Variants in HS6ST3 observed in about 807,000 individuals in gnomAD.
The protein encoded by HS6ST3 is heparan-sulfate 6-O-sulfotransferase 3.
Under a neutral mutation model 36.7 loss-of-function variants are expected in HS6ST3, and 12 were observed. That is an observed-to-expected ratio of 0.33 (90% CI 0.21 to 0.53). The LOEUF (loss-of-function observed/expected upper bound fraction) is 0.53. HS6ST3 is among the 20% of genes least tolerant of loss of function. The pLI is 0.95. For synonymous variants in HS6ST3, 240 were observed against 257.5 expected, an observed-to-expected ratio of 0.93 and a Z score of 0.65; for missense variants, 584 against 640.9, an observed-to-expected ratio of 0.91 and a Z score of 0.96.
Position 96,173,394 on chromosome 13 carries a change from CAT to C in HS6ST3, c.707+81828_707+81829del, listed in dbSNP as rs932029921. ...ACTAATTCAAGGATAAAATTATTAA[CAT>C]ATTTTTCTAAGTGTGTGAATTGATA... On this transcript the variant is annotated intron_variant, in intron 1 of 1. Transcript: ENST00000376705. 7.0e-4 allele frequency among the ~76,000 whole-genome samples: 106 copies of C among 152,208 alleles called. 1 individual carries two copies. The highest frequency in any genetic ancestry group is 2.3e-3 in the African/African-American group (95 of 41,530).
chr13:96,688,016 A>G (rs1437709896), intron 1 of HS6ST3, among the ~76,000 whole-genome samples: 2 of 149,550 alleles, frequency 1.3e-5, no homozygotes, highest in African/African-American at 2.5e-5. Flanking sequence ...GAATTGAACA[A>G]TGAGAACACT....
rs777469390 is a variant in HS6ST3, at chr13:96,832,968, C to T, written c.1186C>T (p.Arg396Cys). 44 of 1,613,976 alleles carry T rather than the reference C, an allele frequency of 2.7e-5. No homozygotes were observed. The highest frequency in any genetic ancestry group is 2.2e-4 in the Admixed American group (13 of 59,996). ...NVEINEGARQ[R>C]IEDLNFLDMQ... The stretch of plus-strand genomic sequence containing the variant: ...GGAGATCAACGAGGGTGCCCGCCAA[C>T]GCATTGAGGATCTAAACTTCCTGGA... The change falls in exon 2 of 2, where the codon CGC (arginine) becomes TGC (cysteine). Residue 396 changes from arginine (R) to cysteine (C), a missense_variant. Coordinates refer to ENST00000376705, the MANE Select transcript of HS6ST3 (RefSeq NM_153456.4).
intron 1 of HS6ST3, among the ~76,000 whole-genome samples, chr13:96,468,894 A>G (rs980098128): frequency 1.3e-5 from 2 of 152,228 alleles, no homozygotes; most frequent in African/African-American, 4.8e-5. Context: ...TGACTTTTCC[A>G]TATTGATCTC....
intron 1 of HS6ST3, among the ~76,000 whole-genome samples, chr13:96,679,285 G>T (rs1034970080): frequency 5.9e-5 from 9 of 151,536 alleles, no homozygotes; most frequent in Non-Finnish European, 1.0e-4. Context: ...AACAGCTAAA[G>T]TGGACTGATG....
chr13:96,339,037 G>A (rs1314950188), intron 1 of HS6ST3, among the ~76,000 whole-genome samples: 1 of 152,044 alleles, frequency 6.6e-6, no homozygotes, highest in East Asian at 1.9e-4. Flanking sequence ...GGATATAGAT[G>A]TTGTGCTTAC....
At chr13:96,742,213 G>A (rs1442900584) in intron 1 of HS6ST3, among the ~76,000 whole-genome samples, 1 of 152,004 alleles carries the variant, frequency 6.6e-6, no homozygotes, top group Non-Finnish European at 1.5e-5. Flanking sequence ...AGGCAGGGGA[G>A]TACAATTTTA....
chr13:96,166,327 G>A (rs950793508), intron 1 of HS6ST3, among the ~76,000 whole-genome samples: 5 of 152,028 alleles, frequency 3.3e-5, no homozygotes, highest in African/African-American at 9.7e-5. Context: ...CTGACCCCTT[G>A]GTTCCTACTG....
intron 1 of HS6ST3, among the ~76,000 whole-genome samples, chr13:96,755,819 G>C (rs926724408): frequency 6.6e-6 from 1 of 152,064 alleles, no homozygotes; most frequent in African/African-American, 2.4e-5. Context: ...TGTAATTTTT[G>C]ACATATATTT....
At chr13:96,567,559 A>C (rs534714387) in intron 1 of HS6ST3, among the ~76,000 whole-genome samples, 1 of 152,282 alleles carries the variant, frequency 6.6e-6, no homozygotes, top group South Asian at 2.1e-4. Context: ...GGATCAGAAA[A>C]GTTTTTACAC....
intron 1 of HS6ST3, among the ~76,000 whole-genome samples, chr13:96,221,127 CCTT>C (rs746037120): frequency 3.9e-5 from 6 of 152,072 alleles, no homozygotes; most frequent in Non-Finnish European, 4.4e-5. Flanking sequence ...CAAAAGAAAA[CCTT>C]CTTTTTTTAA....
intron 1 of HS6ST3, among the ~76,000 whole-genome samples, chr13:96,436,286 T>C (rs2055642050): frequency 6.6e-6 from 1 of 152,230 alleles, no homozygotes; most frequent in Non-Finnish European, 1.5e-5. Context: ...CTCCCCAGTC[T>C]TGCAAAATTT....
intron 1 of HS6ST3, among the ~76,000 whole-genome samples, chr13:96,713,709 C>T (rs942986803): frequency 4.6e-5 from 7 of 151,286 alleles, no homozygotes; most frequent in African/African-American, 1.7e-4. Context: ...ATTTTTTTTT[C>T]ACATAAAGCC....
intron 1 of HS6ST3, among the ~76,000 whole-genome samples, chr13:96,161,229 A>G (rs1338433005): frequency 6.6e-6 from 1 of 152,184 alleles, no homozygotes; most frequent in African/African-American, 2.4e-5. Flanking sequence ...TAAGGCAGAA[A>G]GAGATAAGTA....
At chr13:96,125,992 A>G (rs1412169172) in intron 1 of HS6ST3, among the ~76,000 whole-genome samples, 1 of 152,100 alleles carries the variant, frequency 6.6e-6, no homozygotes, top group Non-Finnish European at 1.5e-5. Context: ...TGACTCTTGA[A>G]AAAGTTTTAC....
At chr13:96,345,486 A>G (rs1157817001) in intron 1 of HS6ST3, among the ~76,000 whole-genome samples, 2 of 152,168 alleles carry the variant, frequency 1.3e-5, no homozygotes, top group African/African-American at 4.8e-5. Flanking sequence ...TAGATGTGAA[A>G]GGATTCTATT....
chr13:96,610,896 A>G lies in HS6ST3; in HGVS notation c.708-221594A>G, dbSNP rs527823895. Among the ~76,000 whole-genome samples the G allele has an allele frequency of 2.6e-5, 4 of 151,678 alleles. No individual in the cohort carries two copies. The South Asian group carries it at 6.2e-4, about 24-fold the overall frequency. ...ACAAAACAACCCCACAACTTCAGGC[A>G]TATTGCTTGAAAGATATACTGGCAT... is the stretch of plus-strand genomic sequence containing the variant. On this transcript the variant is annotated intron_variant, in intron 1 of 1. Transcript: ENST00000376705.
chr13:96,240,256 G>C (rs2054553802), intron 1 of HS6ST3, among the ~76,000 whole-genome samples: 1 of 152,120 alleles, frequency 6.6e-6, no homozygotes. Flanking sequence ...ACATTAGACA[G>C]GTTGCTCCAG....
chr13:96,263,995 C>G (rs896129042), intron 1 of HS6ST3, among the ~76,000 whole-genome samples: 9 of 152,142 alleles, frequency 5.9e-5, no homozygotes, highest in Non-Finnish European at 1.2e-4. Context: ...CACTCTCTGG[C>G]CCACCTTCCA....
chr13:96,181,619 G>T (rs1374736666), intron 1 of HS6ST3, among the ~76,000 whole-genome samples: 4 of 152,164 alleles, frequency 2.6e-5, no homozygotes, highest in East Asian at 1.9e-4. Context: ...TTAGAGGTGC[G>T]CAGGAGGCAC....
Sources: gnomAD v4.1 joint callset for allele counts (sites outside exome capture counted in the v4.1 genomes callset) on GRCh38, gnomAD v4.1.1 for gene constraint, MANE v1.5 for transcripts, NCBI Gene and HGNC (gene_info 2026-07-23, HGNC 2026-07-21) for gene names.